NTM: variants seen among roughly 807,000 people sequenced by gnomAD.
The protein encoded by NTM is IgLON family member 2.
A neutral mutation model predicts 42.1 loss-of-function variants in NTM; 13 were observed. The ratio of observed to expected loss-of-function variants is 0.31; its 90% CI spans 0.20 to 0.49. The LOEUF is 0.49. NTM is among the 20% of genes least tolerant of loss of function. The probability of loss-of-function intolerance (pLI) is 0.99; values close to 1 mark genes in which losing one functional copy is unlikely to be tolerated. For missense variants in NTM, 373 were observed against 452.8 expected (o/e 0.82, Z 1.60); for synonymous variants, 187 against 179.2 (o/e 1.04, Z -0.35).
intron 2 of NTM, among the ~76,000 whole-genome samples, chr11:131,931,696 G>A (rs759589085): frequency 6.6e-6 from 1 of 152,138 alleles, no homozygotes; most frequent in Non-Finnish European, 1.5e-5. Context: ...GACCTCAGGA[G>A]GTGACTGAGA....
chr11:131,570,452 C>A (rs1028221603), intron 1 of NTM, among the ~76,000 whole-genome samples: 1 of 152,134 alleles, frequency 6.6e-6, no homozygotes, highest in Non-Finnish European at 1.5e-5. Context: ...GCTTTTAGAA[C>A]AAATTAAAAG....
intron 1 of NTM, among the ~76,000 whole-genome samples, chr11:131,830,032 T>C (rs1054555010): frequency 1.4e-4 from 21 of 152,166 alleles, no homozygotes; most frequent in Non-Finnish European, 2.9e-4. Flanking sequence ...AATGGGGTTA[T>C]TTTTTGCTTT....
At chr11:131,467,448 T>G (rs906591904) in intron 1 of NTM, among the ~76,000 whole-genome samples, 2 of 152,192 alleles carry the variant, frequency 1.3e-5, no homozygotes, top group Admixed American at 1.3e-4. Context: ...TTACACAAAC[T>G]AAAAAATTCA....
At chr11:131,695,033 G>A (rs953048817) in intron 1 of NTM, among the ~76,000 whole-genome samples, 4 of 152,142 alleles carry the variant, frequency 2.6e-5, no homozygotes. Context: ...GCTGGGAGGA[G>A]CGCCGCCGCC....
In NTM at chr11:132,140,507, G is replaced by C. The variant is rs140215263; in HGVS notation, c.168-5775G>C. On this transcript the variant is annotated intron_variant, in intron 2 of 8. Coordinates refer to ENST00000683400, the MANE Select transcript of NTM (RefSeq NM_001352005.2). ...AGTGTGCAATGTGAGTCTAAGTCTA[G>C]TATTTTTGTCTCTCTATGACCCAGA... is the stretch of plus-strand genomic sequence containing the variant. Among the ~76,000 whole-genome samples the C allele has an allele frequency of 2.3e-3, 353 of 152,248 alleles. 1 individual carries two copies. The highest frequency in any genetic ancestry group is 8.1e-3 in the African/African-American group (337 of 41,548).
At chr11:131,390,242 A>G (rs559888083) in intron 1 of NTM, among the ~76,000 whole-genome samples, 1 of 152,148 alleles carries the variant, frequency 6.6e-6, no homozygotes, top group African/African-American at 2.4e-5. Flanking sequence ...ACGGTCTTTT[A>G]AACAACCAAC....
At chr11:132,041,811 T>G (rs2077243774) in intron 2 of NTM, among the ~76,000 whole-genome samples, 1 of 152,206 alleles carries the variant, frequency 6.6e-6, no homozygotes, top group Non-Finnish European at 1.5e-5. Flanking sequence ...TTACTAGCAG[T>G]GTGACTTTCA....
intron 2 of NTM, among the ~76,000 whole-genome samples, chr11:132,079,729 C>A (rs924410245): frequency 1.7e-4 from 26 of 152,168 alleles, no homozygotes; most frequent in Non-Finnish European, 3.5e-4. Context: ...AAAGTGTACA[C>A]AATGTTCTGG....
intron 2 of NTM, among the ~76,000 whole-genome samples, chr11:132,060,718 G>A (rs1018925122): frequency 6.6e-6 from 1 of 152,132 alleles, no homozygotes; most frequent in African/African-American, 2.4e-5. Flanking sequence ...GCGGTTGCAG[G>A]CTCTGCTTGT....
chr11:132,023,360 A>T (rs1018379251), intron 2 of NTM, among the ~76,000 whole-genome samples: 3 of 152,224 alleles, frequency 2.0e-5, no homozygotes, highest in Admixed American at 6.5e-5. Context: ...AACACAAGTA[A>T]TAATGCACTA....
At chr11:132,087,103 A>G (rs2059814827) in intron 2 of NTM, among the ~76,000 whole-genome samples, 1 of 152,086 alleles carries the variant, frequency 6.6e-6, no homozygotes, top group African/African-American at 2.4e-5. Context: ...TACCCAGGAT[A>G]TGTGAGGGAG....
rs141530737 is a variant in NTM at position 132,301,510 on chromosome 11, G to A, written c.527-6179G>A. 6.7e-4 allele frequency among the ~76,000 whole-genome samples: 102 copies of A among 152,338 alleles called. 1 individual carries two copies. The highest frequency in any genetic ancestry group is 2.1e-3 in the African/African-American group (87 of 41,584). ...GCTTGCACATGTTGGTATTGAGGAA[G>A]AGGAGTCTCACCTCTGTCTGTCTTA... On this transcript the variant is annotated intron_variant, in intron 4 of 8. Coordinates refer to ENST00000683400, the MANE Select transcript of NTM (RefSeq NM_001352005.2).
At chr11:131,511,603 T>C (rs2136463687) in intron 1 of NTM, among the ~76,000 whole-genome samples, 1 of 152,250 alleles carries the variant, frequency 6.6e-6, no homozygotes, top group Middle Eastern at 3.4e-3. Flanking sequence ...AGGTTATACA[T>C]ATTACGTGAC....
At chr11:132,258,194 C>T (rs775481672) in intron 4 of NTM, among the ~76,000 whole-genome samples, 63 of 152,182 alleles carry the variant, frequency 4.1e-4, no homozygotes, top group Admixed American at 9.8e-4. Flanking sequence ...CAGCTGGAAA[C>T]GAGTTGGTCT....
intron 1 of NTM, among the ~76,000 whole-genome samples, chr11:131,567,297 G>A (rs2056991482): frequency 1.3e-5 from 2 of 152,088 alleles, no homozygotes; most frequent in Non-Finnish European, 2.9e-5. Context: ...GACCAGCCTG[G>A]CCAACATGGT....
chr11:132,066,378 CT>C (rs1555242358), intron 2 of NTM, among the ~76,000 whole-genome samples: 3 of 152,172 alleles, frequency 2.0e-5, no homozygotes, highest in Non-Finnish European at 4.4e-5. Context: ...CATCTGGACC[CT>C]TCTATAGGTT....
chr11:131,765,465 G>A (rs1271534649), intron 1 of NTM, among the ~76,000 whole-genome samples: 1 of 152,088 alleles, frequency 6.6e-6, no homozygotes, highest in Non-Finnish European at 1.5e-5. Flanking sequence ...TTATCATGTA[G>A]TATGTATTTT....
At chr11:131,755,865 A>G (rs6590593) in intron 1 of NTM, among the ~76,000 whole-genome samples, 1 of 152,186 alleles carries the variant, frequency 6.6e-6, no homozygotes, top group East Asian at 1.9e-4. Context: ...CAAAGTAAGC[A>G]TAATAACCTC....
chr11:131,837,895 T>G (rs1318665715), intron 1 of NTM, among the ~76,000 whole-genome samples: 1 of 152,202 alleles, frequency 6.6e-6, no homozygotes, highest in East Asian at 1.9e-4. Flanking sequence ...AAAGGTTGTG[T>G]GTAATACCAG....
Sources: gnomAD v4.1 joint callset for allele counts (sites outside exome capture counted in the v4.1 genomes callset) on GRCh38, gnomAD v4.1.1 for gene constraint, MANE v1.5 for transcripts, NCBI Gene and HGNC (gene_info 2026-07-23, HGNC 2026-07-21) for gene names.